The following SPATA1 variants were observed in gnomAD, a reference collection of about 807,000 sequenced individuals.
SPATA1 encodes spermatogenesis-associated protein 1.
A neutral mutation model predicts 59.6 loss-of-function variants in SPATA1; 57 were observed. The ratio of observed to expected loss-of-function variants is 0.96; its 90% CI spans 0.77 to 1.19. The LOEUF is 1.19. Among genes scored for constraint, SPATA1 ranks in the 50% most tolerant of loss-of-function variants. The probability of loss-of-function intolerance (pLI) is 0.00; values close to 1 mark genes in which losing one functional copy is unlikely to be tolerated. For missense variants in SPATA1, 448 were observed against 480.7 expected (o/e 0.93, Z 0.64); for synonymous variants, 147 against 163.9 (o/e 0.90, Z 0.79).
intron 10 of SPATA1, among the ~76,000 whole-genome samples, chr1:84,548,458 T>C (rs1684162426): frequency 1.3e-5 from 2 of 148,426 alleles, no homozygotes; most frequent in Admixed American, 6.8e-5. Context: ...GATTACTATA[T>C]ATAACAAGTA....
At chr1:84,563,409 A>G in intron 4 of SPATA1, 1 of 1,521,868 alleles carries the variant, frequency 6.6e-7, no homozygotes, top group Admixed American at 2.3e-5. Flanking sequence ...GCAATGGTAC[A>G]AACATGATCC....
intron 6 of SPATA1, among the ~76,000 whole-genome samples, chr1:84,526,429 G>T (rs1202609995): frequency 1.6e-4 from 24 of 152,218 alleles, no homozygotes. Flanking sequence ...AGACCAGAGG[G>T]ATCAGGAAAA....
chr1:84,518,919 A>G (rs1682902206), intron 2 of SPATA1, among the ~76,000 whole-genome samples: 1 of 152,024 alleles, frequency 6.6e-6, no homozygotes, highest in Non-Finnish European at 1.5e-5. Context: ...ATAATATAGT[A>G]TGTTACCTAT....
chr1:84,559,096 A>G (rs575261864), downstream of SPATA1, among the ~76,000 whole-genome samples: 5 of 152,206 alleles, frequency 3.3e-5, no homozygotes, highest in Admixed American at 6.5e-5. Flanking sequence ...CAGACATTAA[A>G]TTTTTTGCAA....
At chr1:84,556,138 CCTT>C (rs1204826430), downstream of SPATA1, among the ~76,000 whole-genome samples, 1 of 152,128 alleles carries the variant, frequency 6.6e-6, no homozygotes, top group Non-Finnish European at 1.5e-5. Flanking sequence ...CCTAAAAAGT[CCTT>C]CTGCCCAGAA....
At chr1:84,558,360 G>A (rs921427996), downstream of SPATA1, among the ~76,000 whole-genome samples, 1 of 150,748 alleles carries the variant, frequency 6.6e-6, no homozygotes. Context: ...CGGGATCTCG[G>A]CTCACTGCAA....
chr1:84,544,194 G>C lies in SPATA1; in HGVS notation c.718-8G>C, dbSNP rs745872137. On this transcript the variant is annotated splice_region_variant and splice_polypyrimidine_tract_variant and intron_variant, in intron 8 of 12. Transcript: ENST00000490879. ...GCCGATCTTACTCATTTTCACGTTT[G>C]CTTACAGACAGCTGAAAAAGAGTAC... is the stretch of plus-strand genomic sequence containing the variant. 6.4e-7 allele frequency: 1 copy of C among 1,553,250 alleles called. No individual in the cohort carries two copies. Among genetic ancestry groups the C allele is most frequent in the East Asian group, 2.3e-5 (1 of 44,022 alleles).
intron 1 of SPATA1, among the ~76,000 whole-genome samples, chr1:84,507,501 A>C (rs139412190): frequency 1.2e-4 from 19 of 152,390 alleles, no homozygotes; most frequent in Non-Finnish European, 2.5e-4. Flanking sequence ...TAAATTATAC[A>C]GCTTCGTAGA....
At chr1:84,517,627 G>A (rs1383772191) in intron 2 of SPATA1, among the ~76,000 whole-genome samples, 1 of 152,006 alleles carries the variant, frequency 6.6e-6, no homozygotes, top group Non-Finnish European at 1.5e-5. Context: ...ATGCCTTGGA[G>A]TTATACTTGA....
At chr1:84,526,500 A>G (rs2101952665) in intron 6 of SPATA1, among the ~76,000 whole-genome samples, 1 of 152,326 alleles carries the variant, frequency 6.6e-6, no homozygotes, top group Non-Finnish European at 1.5e-5. Flanking sequence ...GAACATACGT[A>G]TTTCAGAGAA....
chr1:84,525,678 C>A lies in SPATA1; in HGVS notation c.262-18C>A. 6.4e-7 allele frequency: 1 copy of A among 1,551,686 alleles called. No individual in the cohort carries two copies. The highest frequency in any genetic ancestry group is 8.6e-7 in the Non-Finnish European group (1 of 1,156,918). Reference sequence around the variant, plus strand: ...ATGTAGCAAAAGCTTTAATTTTTTTCTCACTACTTATTTCTAGGTGAAGGA... The same window carrying A: ...ATGTAGCAAAAGCTTTAATTTTTTTATCACTACTTATTTCTAGGTGAAGGA... On this transcript the variant is annotated intron_variant, in intron 4 of 12. Transcript: ENST00000490879.
intron 2 of SPATA1, among the ~76,000 whole-genome samples, chr1:84,519,522 T>C (rs1313871258): frequency 2.0e-5 from 3 of 152,058 alleles, no homozygotes; most frequent in East Asian, 1.9e-4. Flanking sequence ...AATACATTTA[T>C]ATAAAGATAA....
intron 2 of SPATA1, 139 bp from the exon 3 acceptor site, chr1:84,520,446 T>C: frequency 1.8e-6 from 1 of 556,766 alleles, no homozygotes. Context: ...TTCATTTTGG[T>C]TTTTGTTTGT....
At chr1:84,536,837 A>G (rs1196041421) in intron 8 of SPATA1, among the ~76,000 whole-genome samples, 2 of 151,862 alleles carry the variant, frequency 1.3e-5, no homozygotes, top group Non-Finnish European at 2.9e-5. Flanking sequence ...TTTGTGTCAC[A>G]TGGAATGAAG....
chr1:84,538,136 G>A (rs1162098522), intron 8 of SPATA1, among the ~76,000 whole-genome samples: 1 of 152,206 alleles, frequency 6.6e-6, no homozygotes. Context: ...AACTCACCTA[G>A]TTGGTCTGTG....
At chr1:84,559,359 G>A (rs988013220), downstream of SPATA1, among the ~76,000 whole-genome samples, 4 of 152,140 alleles carry the variant, frequency 2.6e-5, no homozygotes, top group Non-Finnish European at 5.9e-5. Context: ...GGTAGCTCAC[G>A]CCTGTAATGC....
exon 12 of SPATA1, chr1:84,550,461 A>G (rs747481575): frequency 1.3e-6 from 2 of 1,563,958 alleles, no homozygotes; most frequent in Admixed American, 1.8e-5. Flanking sequence ...TCACTGAGGT[A>G]CAGCATGCAA....
intron 12 of SPATA1, chr1:84,551,839 A>G (rs1372270110): frequency 6.6e-6 from 1 of 152,192 alleles, no homozygotes; most frequent in African/African-American, 2.4e-5. Context: ...ATAATTGGGT[A>G]GGTAGGAAGG....
intron 2 of SPATA1, chr1:84,520,367 C>T (rs928768816): frequency 2.2e-6 from 1 of 447,132 alleles, no homozygotes; most frequent in African/African-American, 2.1e-5. Context: ...ATAGCCACAT[C>T]TATAACATTG....
Sources: allele counts gnomAD v4.1 joint callset (sites outside exome capture counted in the v4.1 genomes callset), GRCh38; gene constraint gnomAD v4.1.1; transcripts MANE v1.5; gene names NCBI Gene and HGNC (gene_info 2026-07-23, HGNC 2026-07-21).